Variants in LDLRAD4 observed in about 807,000 individuals in gnomAD.
The protein encoded by LDLRAD4 is low density lipoprotein receptor class A domain containing 4.
LDLRAD4 carries 5 observed loss-of-function variants against 17.0 expected under a neutral mutation model. That is an observed-to-expected ratio of 0.29 (90% CI 0.15 to 0.62). The LOEUF is 0.62. Among genes scored for constraint, LDLRAD4 ranks in the 20% least tolerant of loss-of-function variants. LDLRAD4 has a pLI of 0.84. For synonymous variants in LDLRAD4, 168 were observed against 171.8 expected, an observed-to-expected ratio of 0.98 and a Z score of 0.17; for missense variants, 340 against 424.7, an observed-to-expected ratio of 0.80 and a Z score of 1.75.
intron 3 of LDLRAD4, among the ~76,000 whole-genome samples, chr18:13,496,229 G>A (rs757846812): frequency 4.6e-5 from 7 of 152,190 alleles, no homozygotes; most frequent in Non-Finnish European, 8.8e-5. Flanking sequence ...AATCGTGTGC[G>A]TTGTTCAGGA....
chr18:13,328,921 G>A (rs1393861457), intron 1 of LDLRAD4, among the ~76,000 whole-genome samples: 2 of 152,128 alleles, frequency 1.3e-5, no homozygotes, highest in Non-Finnish European at 2.9e-5. Flanking sequence ...TGTATAAGTT[G>A]TGGAGTCTAT....
chr18:13,318,521 CA>C (rs2143137649), intron 1 of LDLRAD4, among the ~76,000 whole-genome samples: 1 of 152,260 alleles, frequency 6.6e-6, no homozygotes, highest in Admixed American at 6.5e-5. Flanking sequence ...CTTAGCCTCC[CA>C]AAATGCTGGG....
intron 1 of LDLRAD4, among the ~76,000 whole-genome samples, chr18:13,326,258 G>T (rs529002684): frequency 1.3e-5 from 2 of 152,154 alleles, no homozygotes; most frequent in Non-Finnish European, 2.9e-5. Context: ...TTCCTTAAAG[G>T]GGGGAAGGCT....
intron 3 of LDLRAD4, among the ~76,000 whole-genome samples, chr18:13,583,294 G>A (rs549676582): frequency 6.6e-6 from 1 of 151,974 alleles, no homozygotes; most frequent in African/African-American, 2.4e-5. Context: ...AATTGTTAGG[G>A]CAATATTTGT....
At position 13,367,881 on chromosome 18, in the gene LDLRAD4, G is replaced by A. The variant is rs150627822; in HGVS notation, c.-382-19460G>A. Among the ~76,000 whole-genome samples, 2 of 152,168 alleles carry A rather than the reference G, an allele frequency of 1.3e-5. No homozygotes were observed. The highest frequency in any genetic ancestry group is 2.9e-5 in the Non-Finnish European group (2 of 67,992). ...GGGTGTATCGAGAGGGGACGACTGGGCATGGGGGCGTGTGCCTGTGGTCAC... is the reference window on the plus strand; with the variant it reads ...GGGTGTATCGAGAGGGGACGACTGGACATGGGGGCGTGTGCCTGTGGTCAC... On this transcript the variant is annotated intron_variant, in intron 1 of 5. Coordinates refer to ENST00000359446, the Ensembl canonical transcript of LDLRAD4. This position sits in a 1 kb window ranked among gnomAD's most constrained non-coding sequence, Gnocchi z 4.1.
chr18:13,599,790 C>T (rs912502411), intron 3 of LDLRAD4, among the ~76,000 whole-genome samples: 1 of 152,048 alleles, frequency 6.6e-6, no homozygotes, highest in Non-Finnish European at 1.5e-5. Context: ...CGCACCCGGC[C>T]GTGAGTCTCC....
chr18:13,539,154 G>C (rs949349785), intron 3 of LDLRAD4, among the ~76,000 whole-genome samples: 1 of 152,142 alleles, frequency 6.6e-6, no homozygotes, highest in Non-Finnish European at 1.5e-5. Context: ...AGTGATAAAA[G>C]CTTGTTAGGA....
intron 1 of LDLRAD4, among the ~76,000 whole-genome samples, chr18:13,292,784 T>C (rs1305305576): frequency 6.6e-6 from 1 of 151,582 alleles, no homozygotes; most frequent in Non-Finnish European, 1.5e-5. Flanking sequence ...GCCTTCTACT[T>C]TGTGGGAGAT....
rs200112449 is a variant in LDLRAD4 at position 13,298,659 on chromosome 18, A to T, written c.-383+20471A>T. On this transcript the variant is annotated intron_variant, in intron 1 of 5. Transcript: ENST00000359446. Reference sequence around the variant, plus strand: ...TGATGGAGCTGCATTGTGCATGGTGATGGAGCTGCTGTGGGCATGGTGATG... The same window carrying T: ...TGATGGAGCTGCATTGTGCATGGTGTTGGAGCTGCTGTGGGCATGGTGATG... Among the ~76,000 whole-genome samples the T allele has an allele frequency of 6.6e-5, 10 of 150,554 alleles. No homozygotes were observed. In the East Asian group the frequency reaches 2.0e-3, roughly 30 times the overall value.
At chr18:13,375,276 A>G (rs2084821993) in intron 1 of LDLRAD4, among the ~76,000 whole-genome samples, 1 of 152,224 alleles carries the variant, frequency 6.6e-6, no homozygotes, top group Non-Finnish European at 1.5e-5. Context: ...TATCCTTGAA[A>G]ATGCCAGTCA....
intron 1 of LDLRAD4, among the ~76,000 whole-genome samples, chr18:13,266,671 A>T (rs2044237390): frequency 6.6e-6 from 1 of 152,230 alleles, no homozygotes; most frequent in Non-Finnish European, 1.5e-5. Flanking sequence ...CTGCCTGGCG[A>T]TGGCTTCTCC....
At chr18:13,226,180 C>CTTTTTTTTTTTTTTTT (rs71174166) in intron 1 of LDLRAD4, among the ~76,000 whole-genome samples, 597 of 52,190 alleles carry the variant, frequency 0.011, 191 homozygotes, top group African/African-American at 0.014. Context: ...CCATGCCTTG[C>CTTTTTTTTTTTTTTTT]TTTTTTTTTT....
intron 3 of LDLRAD4, among the ~76,000 whole-genome samples, chr18:13,598,727 C>T (rs961936510): frequency 1.3e-5 from 2 of 152,174 alleles, no homozygotes; most frequent in African/African-American, 4.8e-5. Flanking sequence ...AGTAAGTTTT[C>T]GGTAGCAGAG....
intron 1 of LDLRAD4, among the ~76,000 whole-genome samples, chr18:13,341,741 G>A (rs772260177): frequency 3.9e-5 from 6 of 152,092 alleles, no homozygotes; most frequent in Admixed American, 6.6e-5. Flanking sequence ...TTTCTTGCCT[G>A]ATTGCTATGG....
intron 4 of LDLRAD4, among the ~76,000 whole-genome samples, chr18:13,625,932 G>C (rs2041127390): frequency 6.6e-6 from 1 of 150,832 alleles, no homozygotes; most frequent in East Asian, 1.9e-4. Context: ...CTTGGCCTGG[G>C]ACAGTGCATG....
At chr18:13,356,214 C>A (rs1288562573) in intron 1 of LDLRAD4, among the ~76,000 whole-genome samples, 1 of 152,346 alleles carries the variant, frequency 6.6e-6, no homozygotes, top group East Asian at 1.9e-4. Flanking sequence ...GGATCTGGGG[C>A]AGGCCACTGG....
intron 1 of LDLRAD4, among the ~76,000 whole-genome samples, chr18:13,261,201 A>G (rs1276916915): frequency 6.6e-6 from 1 of 152,382 alleles, no homozygotes; most frequent in East Asian, 1.9e-4. Context: ...TCCTGGCTCC[A>G]GGGAATAGCA....
intron 2 of LDLRAD4, among the ~76,000 whole-genome samples, chr18:13,401,001 C>G (rs189544087): frequency 6.6e-6 from 1 of 152,082 alleles, no homozygotes; most frequent in Admixed American, 6.5e-5. Context: ...GCATTCAGGT[C>G]CCGTAGAAAA....
intron 3 of LDLRAD4, among the ~76,000 whole-genome samples, chr18:13,506,321 T>C (rs2093692914): frequency 6.6e-6 from 1 of 151,494 alleles, no homozygotes; most frequent in Non-Finnish European, 1.5e-5. Flanking sequence ...GCCGCACCCA[T>C]TAACTCGTCA....
Sources: allele counts gnomAD v4.1 joint callset (sites outside exome capture counted in the v4.1 genomes callset), GRCh38; gene constraint gnomAD v4.1.1; non-coding constraint Gnocchi (gnomAD v3.1); transcripts MANE v1.5; gene names NCBI Gene and HGNC (gene_info 2026-07-23, HGNC 2026-07-21).